CA5A: variants seen among roughly 807,000 people sequenced by gnomAD.
CA5A encodes the protein carbonic anhydrase 5A, mitochondrial.
Under a neutral mutation model 37.1 loss-of-function variants are expected in CA5A, and 28 were observed. The observed-to-expected ratio is 0.75, with a 90% CI of 0.56 to 1.03. The LOEUF is 1.03. CA5A is among the 50% of genes least tolerant of loss of function. The pLI is 0.00. For missense variants in CA5A, 444 were observed against 399.9 expected (o/e 1.11, Z -0.94); for synonymous variants, 171 against 158.4 (o/e 1.08, Z -0.60).
In CA5A at chr16:87,904,798, C is replaced by T. The variant is rs148813133; in HGVS notation, c.447G>A (p.Ala149=). 4.4e-5 allele frequency: 71 copies of T among 1,604,664 alleles called. No individual in the cohort carries two copies. Among genetic ancestry groups the T allele is most frequent in the East Asian group, 3.1e-4 (14 of 44,852 alleles). ...GGSEHTVDGH[A]YPAELHLVHW... is the part of the protein sequence containing the mutation. ...CACGTCTACAAACCTCTGCGGGGTA[C>T]GCGTGGCCGTCCACTGTGTGCTCTG... is the stretch of plus-strand genomic sequence containing the variant. Residue 149 remains alanine (A), a synonymous_variant, in exon 3 of 7, where the codon GCG becomes GCA. Coordinates refer to ENST00000649794, the MANE Select transcript of CA5A (RefSeq NM_001739.2).
downstream of CA5A, chr16:87,887,727 G>A (rs138127828): frequency 3.6e-5 from 6 of 168,940 alleles, no homozygotes; most frequent in East Asian, 9.9e-4. Context: ...CTTACAAGGA[G>A]GAGGCAGAAG....
rs370194732 is a variant in CA5A at position 87,928,224 on chromosome 16, T to C, written c.143-1279A>G. 4.6e-5 allele frequency among the ~76,000 whole-genome samples: 7 copies of C among 152,252 alleles called. No individual in the cohort carries two copies. In the East Asian group the frequency reaches 1.4e-3, roughly 29 times the overall value. On this transcript the variant is annotated intron_variant, in intron 1 of 6. Transcript: ENST00000649794. ...TCACTGTGCCACCCAGGCTGGAGTG[T>C]AGTGGTGTCAATCACTGCAGCCTTG...
At chr16:87,889,768 T>C (rs988839351) in intron 6 of CA5A, among the ~76,000 whole-genome samples, 1 of 151,396 alleles carries the variant, frequency 6.6e-6, no homozygotes, top group Non-Finnish European at 1.5e-5. Flanking sequence ...GGAAACTCCA[T>C]CTCAAAAAAA....
intron 6 of CA5A, among the ~76,000 whole-genome samples, chr16:87,888,863 C>T (rs1236320547): frequency 1.3e-5 from 2 of 152,136 alleles, no homozygotes; most frequent in African/African-American, 4.8e-5. Context: ...AGCGATTCTC[C>T]TGCCTCGGCC....
In CA5A at chr16:87,926,909, C is replaced by T. The variant is rs1376249097; in HGVS notation, c.179G>A (p.Gly60Glu). ...GTTAATAGGAGACTGCCGGGTGCCC[C>T]CTGGCACGGAGACCGGGACCGTCCA... The part of the protein sequence containing the change: ...PLWTVPVSVP[G>E]GTRQSPINIQ... Residue 60 changes from glycine to glutamate, a missense_variant, in exon 2 of 7, where the codon GGG becomes GAG. Physicochemically the swap from Gly to Glu is moderately conservative, Grantham distance 98. Coordinates refer to ENST00000649794, the MANE Select transcript of CA5A (RefSeq NM_001739.2). 5.0e-6 allele frequency: 8 copies of T among 1,603,186 alleles called. No individual in the cohort carries two copies. The highest frequency in any genetic ancestry group is 6.8e-6 in the Non-Finnish European group (8 of 1,174,414).
At chr16:87,923,992 G>A (rs2056266351) in intron 2 of CA5A, 4 of 985,238 alleles carry the variant, frequency 4.1e-6, no homozygotes, top group Middle Eastern at 5.2e-4. Context: ...AAACTGAAAA[G>A]CCAATCTGAG....
At chr16:87,917,695 C>G (rs1258291667) in intron 2 of CA5A, among the ~76,000 whole-genome samples, 1 of 144,108 alleles carries the variant, frequency 6.9e-6, no homozygotes, top group Non-Finnish European at 1.5e-5. Flanking sequence ...CAATGCACAC[C>G]CGCACACGAA....
intron 4 of CA5A, chr16:87,882,864 C>G (rs928117452): frequency 5.2e-5 from 8 of 152,492 alleles, no homozygotes; most frequent in Admixed American, 1.3e-4. Flanking sequence ...ACCCGCATCG[C>G]CACCAAGTGT....
At chr16:87,932,964 C>T (rs2056427359) in intron 1 of CA5A, among the ~76,000 whole-genome samples, 2 of 152,192 alleles carry the variant, frequency 1.3e-5, no homozygotes, top group South Asian at 4.1e-4. Flanking sequence ...GCACCGCTGG[C>T]CTCGCCCTGT....
intron 2 of CA5A, among the ~76,000 whole-genome samples, chr16:87,922,778 C>T (rs1450323943): frequency 6.6e-6 from 1 of 152,260 alleles, no homozygotes; most frequent in East Asian, 1.9e-4. Context: ...TCCTGATGGC[C>T]TCCTGCTGGA....
chr16:87,912,965 C>A (rs577866717), intron 2 of CA5A, among the ~76,000 whole-genome samples: 47 of 151,904 alleles, frequency 3.1e-4, no homozygotes, highest in Admixed American at 1.4e-3. Context: ...GGAAGTGGGG[C>A]CTTCGCCAAC....
intron 1 of CA5A, among the ~76,000 whole-genome samples, chr16:87,927,856 CAAA>C (rs569544193): frequency 3.8e-5 from 3 of 78,930 alleles, no homozygotes; most frequent in African/African-American, 4.5e-5. Context: ...GACTCTGCCT[CAAA>C]AAAAAAAAAA....
chr16:87,929,657 G>A (rs13338573), intron 1 of CA5A, among the ~76,000 whole-genome samples: 41,011 of 151,520 alleles, frequency 0.27, 7,333 homozygotes, highest in African/African-American at 0.5. Context: ...CGGATCACGA[G>A]GTCAGGAGAT....
At chr16:87,910,818 T>G (rs148995438) in intron 2 of CA5A, among the ~76,000 whole-genome samples, 2 of 152,008 alleles carry the variant, frequency 1.3e-5, no homozygotes, top group African/African-American at 4.8e-5. Context: ...GGCCAGATCT[T>G]GGCTCACTGC....
At chr16:87,932,531 C>T (rs187400400) in intron 1 of CA5A, among the ~76,000 whole-genome samples, 25 of 152,354 alleles carry the variant, frequency 1.6e-4, no homozygotes, top group Admixed American at 2.6e-4. Context: ...TCCACACAGC[C>T]GACCCTGGTG....
chr16:87,902,054 G>A (rs573909299), intron 4 of CA5A, 80 bp from the exon 5 acceptor site: 30 of 1,284,628 alleles, frequency 2.3e-5, no homozygotes, highest in African/African-American at 4.4e-5. Context: ...AATACACCAC[G>A]TTTTAAAAGC....
chr16:87,897,174 G>A (rs1395737098), intron 5 of CA5A, among the ~76,000 whole-genome samples: 1 of 152,248 alleles, frequency 6.6e-6, no homozygotes, highest in African/African-American at 2.4e-5. Flanking sequence ...GCACAGAGCC[G>A]TTCCCTGGAT....
intron 3 of CA5A, among the ~76,000 whole-genome samples, chr16:87,903,855 A>C (rs2055917195): frequency 6.6e-6 from 1 of 152,138 alleles, no homozygotes; most frequent in Non-Finnish European, 1.5e-5. Context: ...GAGACATCAA[A>C]CTCGTAGATT....
chr16:87,890,723 C>T (rs1714997388), intron 6 of CA5A, among the ~76,000 whole-genome samples: 1 of 152,188 alleles, frequency 6.6e-6, no homozygotes, highest in African/African-American at 2.4e-5. Context: ...TCAAGTGATT[C>T]TCCTACCTCA....
Sources: allele counts gnomAD v4.1 joint callset (sites outside exome capture counted in the v4.1 genomes callset), GRCh38; gene constraint gnomAD v4.1.1; transcripts MANE v1.5; gene names NCBI Gene and HGNC (gene_info 2026-07-23, HGNC 2026-07-21).